Variants in NCEH1 observed in about 807,000 individuals in gnomAD.
NCEH1 encodes neutral cholesterol ester hydrolase 1.
NCEH1 carries 9 observed loss-of-function variants against 25.4 expected under a neutral mutation model. The ratio of observed to expected loss-of-function variants is 0.35; its 90% CI spans 0.21 to 0.62. The LOEUF (loss-of-function observed/expected upper bound fraction) is 0.62. Among genes scored for constraint, NCEH1 ranks in the 20% least tolerant of loss-of-function variants. The pLI is 0.72. For synonymous variants in NCEH1, 200 were observed against 199.8 expected (o/e 1.00, Z -0.01); for missense variants, 412 against 501.1 (o/e 0.82, Z 1.70).
intron 1 of NCEH1, among the ~76,000 whole-genome samples, chr3:172,690,838 TTAAGG>T (rs1472292643): frequency 6.6e-6 from 1 of 152,164 alleles, no homozygotes; most frequent in African/African-American, 2.4e-5. Context: ...AGTGGTTGTG[TTAAGG>T]TGAGATTATA....
chr3:172,684,511 C>T (rs935582998), intron 1 of NCEH1, among the ~76,000 whole-genome samples: 3 of 152,090 alleles, frequency 2.0e-5, no homozygotes, highest in African/African-American at 7.2e-5. Flanking sequence ...CTGGATGAAA[C>T]AATCAAGTAA....
At chr3:172,646,282 G>A (rs1717117005) in intron 2 of NCEH1, among the ~76,000 whole-genome samples, 1 of 152,174 alleles carries the variant, frequency 6.6e-6, no homozygotes, top group Admixed American at 6.5e-5. Flanking sequence ...TTGAGCCCAA[G>A]AGTTTGAGGT....
chr3:172,693,883 T>C (rs190120798), intron 1 of NCEH1, among the ~76,000 whole-genome samples: 1 of 152,240 alleles, frequency 6.6e-6, no homozygotes, highest in African/African-American at 2.4e-5. Context: ...AAGTATAGTA[T>C]GTGTATTTAA....
rs1165644401 is a variant in NCEH1 at position 172,683,402 on chromosome 3, CAAAAAAAAAAAAAAAA to C, written c.138+27429_138+27444del. 2.5e-4 allele frequency among the ~76,000 whole-genome samples: 4 copies of C among 15,690 alleles called. 1 individual carries two copies. The highest frequency in any genetic ancestry group is 2.2e-4 in the African/African-American group (1 of 4,554). 10.3% of individuals were successfully genotyped at this position (15,690 alleles called of 152,430 possible). A position where few individuals can be genotyped will look rare whatever the true frequency, so the allele number is the denominator to read the frequency against. On this transcript the variant is annotated intron_variant, in intron 1 of 4. Transcript: ENST00000475381. ...TGGGCGACAGAGCGAGACTCCGTCT[CAAAAAAAAAAAAAAAA>C]AAAAAAAAAAAGAAGCGGAGGCAGG...
At chr3:172,634,555 G>C (rs558438324) in intron 4 of NCEH1, among the ~76,000 whole-genome samples, 1 of 152,160 alleles carries the variant, frequency 6.6e-6, no homozygotes, top group Non-Finnish European at 1.5e-5. Flanking sequence ...TAGGACCTCA[G>C]GGTATGCTTT....
intron 1 of NCEH1, among the ~76,000 whole-genome samples, chr3:172,699,773 G>C (rs897542216): frequency 6.6e-6 from 1 of 152,140 alleles, no homozygotes; most frequent in Admixed American, 6.5e-5. Flanking sequence ...GCTGAGGTGG[G>C]AAGATTGCTT....
At chr3:172,673,983 T>C (rs1711797599) in intron 1 of NCEH1, among the ~76,000 whole-genome samples, 1 of 152,214 alleles carries the variant, frequency 6.6e-6, no homozygotes, top group African/African-American at 2.4e-5. Flanking sequence ...CAGAGATTTC[T>C]TTTCAGGCAG....
intron 3 of NCEH1, among the ~76,000 whole-genome samples, chr3:172,639,082 C>T (rs1286467771): frequency 6.6e-6 from 1 of 152,044 alleles, no homozygotes; most frequent in African/African-American, 2.4e-5. Context: ...GCGCGGATCA[C>T]GAGGTCAGGA....
intron 1 of NCEH1, among the ~76,000 whole-genome samples, chr3:172,694,394 CTGTG>C (rs768064072): frequency 1.4e-4 from 18 of 130,866 alleles, no homozygotes; most frequent in Admixed American, 4.7e-4. Context: ...GTGTGTGTGT[CTGTG>C]TGTGTGTGTG....
At chr3:172,672,687 G>A (rs2108513588) in intron 1 of NCEH1, among the ~76,000 whole-genome samples, 1 of 152,314 alleles carries the variant, frequency 6.6e-6, no homozygotes, top group South Asian at 2.1e-4. Flanking sequence ...ATAGGGACCA[G>A]GAGGAGGCCC....
At chr3:172,670,380 A>T (rs559470163) in intron 1 of NCEH1, among the ~76,000 whole-genome samples, 123 of 152,370 alleles carry the variant, frequency 8.1e-4, no homozygotes, top group African/African-American at 2.9e-3. Flanking sequence ...TTATACTTTT[A>T]AAGTGAATGT....
At chr3:172,689,846 G>A (rs116151318) in intron 1 of NCEH1, among the ~76,000 whole-genome samples, 147 of 151,490 alleles carry the variant, frequency 9.7e-4, no homozygotes, top group Non-Finnish European at 1.7e-3. Context: ...GTATGAGGTG[G>A]GGGAAAATGT....
At chr3:172,654,826 A>G (rs1424801549) in intron 1 of NCEH1, among the ~76,000 whole-genome samples, 1 of 152,256 alleles carries the variant, frequency 6.6e-6, no homozygotes, top group Non-Finnish European at 1.5e-5. Context: ...CACTTCATTC[A>G]GTCCATCAGC....
intron 1 of NCEH1, among the ~76,000 whole-genome samples, chr3:172,689,921 T>A (rs79820001): frequency 6.6e-6 from 1 of 150,606 alleles, no homozygotes; most frequent in African/African-American, 2.4e-5. Context: ...TTTTTTTTTT[T>A]GAGACGGAGT....
intron 1 of NCEH1, among the ~76,000 whole-genome samples, chr3:172,680,377 C>T (rs567743127): frequency 3.9e-5 from 6 of 152,162 alleles, no homozygotes; most frequent in Non-Finnish European, 7.3e-5. Context: ...CTTCAAGACA[C>T]CACCTCTGTG....
intron 1 of NCEH1, among the ~76,000 whole-genome samples, chr3:172,693,218 G>A (rs997182750): frequency 3.3e-5 from 5 of 152,066 alleles, no homozygotes; most frequent in East Asian, 3.9e-4. Flanking sequence ...ATATGCTGGC[G>A]CTTTAAAAAT....
rs1560196977 is a variant in NCEH1, at chr3:172,675,314, TA to T, written c.139-27201del. The stretch of plus-strand genomic sequence containing the variant: ...CAAGATCCTGTCTCAAATAAATAAA[TA>T]AATAAATAAATAAATAAATAAATAA... On this transcript the variant is annotated intron_variant, in intron 1 of 4. Coordinates refer to ENST00000475381, the MANE Select transcript of NCEH1 (RefSeq NM_020792.6). 4.2e-3 allele frequency among the ~76,000 whole-genome samples: 617 copies of T among 148,548 alleles called. 13 individuals carry two copies. Among genetic ancestry groups the T allele is most frequent in the Non-Finnish European group, 8.9e-4 (60 of 67,358 alleles).
At chr3:172,639,739 T>C (rs1420688855) in intron 3 of NCEH1, among the ~76,000 whole-genome samples, 1 of 152,254 alleles carries the variant, frequency 6.6e-6, no homozygotes, top group Admixed American at 6.5e-5. Flanking sequence ...TATCACTGCA[T>C]GTAACTCCCA....
intron 2 of NCEH1, among the ~76,000 whole-genome samples, chr3:172,646,169 T>C (rs1560182528): frequency 2.0e-5 from 3 of 152,106 alleles, no homozygotes; most frequent in African/African-American, 7.2e-5. Context: ...CTGAGCAACA[T>C]AGCCAGATGC....
Sources: gnomAD v4.1 joint callset for allele counts (sites outside exome capture counted in the v4.1 genomes callset) on GRCh38, gnomAD v4.1.1 for gene constraint, MANE v1.5 for transcripts, NCBI Gene and HGNC (gene_info 2026-07-23, HGNC 2026-07-21) for gene names.